CSMD1: variants seen among roughly 807,000 people sequenced by gnomAD.
The protein encoded by CSMD1 is CUB and sushi domain-containing protein 1.
Under a neutral mutation model 417.5 loss-of-function variants are expected in CSMD1, and 213 were observed. The ratio of observed to expected loss-of-function variants is 0.51; its 90% CI spans 0.46 to 0.57. The LOEUF is 0.57. Among genes scored for constraint, CSMD1 ranks in the 20% least tolerant of loss-of-function variants. CSMD1 has a pLI of 0.00. For synonymous variants in CSMD1, 2,862 were observed against 1,736.8 expected (o/e 1.65, Z -16.11); for missense variants, 6,923 against 4,529.7 (o/e 1.53, Z -15.17).
chr8:4,164,529 T>A (rs1230717551), intron 3 of CSMD1, among the ~76,000 whole-genome samples: 1 of 152,240 alleles, frequency 6.6e-6, no homozygotes, highest in East Asian at 1.9e-4. Context: ...GGCGTAAATC[T>A]AGATATAAGC....
At chr8:4,196,037 T>C (rs767082122) in intron 3 of CSMD1, among the ~76,000 whole-genome samples, 1 of 151,748 alleles carries the variant, frequency 6.6e-6, no homozygotes, top group African/African-American at 2.4e-5. Context: ...CAGTGAAACC[T>C]CGTCTCTACT....
At chr8:4,537,310 G>A (rs892751338) in intron 2 of CSMD1, among the ~76,000 whole-genome samples, 6 of 152,132 alleles carry the variant, frequency 3.9e-5, no homozygotes, top group Admixed American at 2.0e-4. Flanking sequence ...TATAAATGCT[G>A]TTAAAGATGC....
At chr8:3,955,244 C>G (rs563660859) in intron 5 of CSMD1, among the ~76,000 whole-genome samples, 2 of 152,116 alleles carry the variant, frequency 1.3e-5, no homozygotes, top group African/African-American at 2.4e-5. Context: ...CCCCACAGAT[C>G]CCACCGGCAA....
intron 3 of CSMD1, among the ~76,000 whole-genome samples, chr8:4,342,466 C>G (rs972977347): frequency 1.3e-5 from 2 of 152,018 alleles, no homozygotes; most frequent in African/African-American, 2.4e-5. Context: ...AGACAATAAA[C>G]TGGCAGAAAA....
At chr8:4,839,743 G>C (rs996957732) in intron 1 of CSMD1, among the ~76,000 whole-genome samples, 1 of 152,094 alleles carries the variant, frequency 6.6e-6, no homozygotes, top group African/African-American at 2.4e-5. Context: ...AAGTTTAATA[G>C]CCTCGAATTT....
chr8:3,823,323 G>A (rs1272142476), intron 5 of CSMD1, among the ~76,000 whole-genome samples: 2 of 152,160 alleles, frequency 1.3e-5, no homozygotes, highest in African/African-American at 4.8e-5. Flanking sequence ...CTGGGTGCAT[G>A]TGTAACAGGG....
At chr8:4,134,982 G>C (rs1563168534) in intron 3 of CSMD1, among the ~76,000 whole-genome samples, 1 of 152,138 alleles carries the variant, frequency 6.6e-6, no homozygotes, top group Non-Finnish European at 1.5e-5. Flanking sequence ...TCAGCTTAGT[G>C]TCTGGGTTCT....
At chr8:3,469,981 C>T (rs1484387385) in intron 11 of CSMD1, among the ~76,000 whole-genome samples, 1 of 151,996 alleles carries the variant, frequency 6.6e-6, no homozygotes, top group Non-Finnish European at 1.5e-5. Flanking sequence ...CTTTCTTATT[C>T]ATACATTTAT....
At chr8:4,577,354 C>A (rs1799186877) in intron 2 of CSMD1, among the ~76,000 whole-genome samples, 1 of 152,172 alleles carries the variant, frequency 6.6e-6, no homozygotes, top group Non-Finnish European at 1.5e-5. Context: ...GAGCTTATTT[C>A]AGAATTACCT....
intron 3 of CSMD1, among the ~76,000 whole-genome samples, chr8:4,248,866 C>G (rs1340698155): frequency 1.3e-5 from 2 of 151,600 alleles, no homozygotes; most frequent in Non-Finnish European, 2.9e-5. Flanking sequence ...TCTCAAAAGT[C>G]ACTCAACAGT....
At chr8:3,198,827 C>G (rs189238374) in intron 33 of CSMD1, among the ~76,000 whole-genome samples, 7 of 152,224 alleles carry the variant, frequency 4.6e-5, no homozygotes, top group Admixed American at 3.3e-4. Flanking sequence ...GAAACCATTG[C>G]TAAGAAAAAA....
At chr8:4,183,473 T>C (rs575237297) in intron 3 of CSMD1, among the ~76,000 whole-genome samples, 1 of 152,324 alleles carries the variant, frequency 6.6e-6, no homozygotes, top group Non-Finnish European at 1.5e-5. Flanking sequence ...TGTTCTTCAA[T>C]TGGAGGTGAA....
At chr8:4,065,569 T>C (rs1343181901) in intron 3 of CSMD1, among the ~76,000 whole-genome samples, 2 of 150,360 alleles carry the variant, frequency 1.3e-5, no homozygotes, top group Non-Finnish European at 3.0e-5. Context: ...CTTTTTTCAC[T>C]GCTAAAAGAT....
At position 4,181,533 on chromosome 8, in the gene CSMD1, G is replaced by T. The variant is rs115720721; in HGVS notation, c.416-149434C>A. Among the ~76,000 whole-genome samples, 239 of 152,184 alleles carry T rather than the reference G, an allele frequency of 1.6e-3. 2 individuals carry two copies. Among genetic ancestry groups the T allele is most frequent in the African/African-American group, 5.7e-3 (236 of 41,548 alleles). On this transcript the variant is annotated intron_variant, in intron 3 of 69. Transcript: ENST00000635120. ...ACCAGAAAACCTTACAATATTTTAAGAAAGTTTATGAATTTGTGTTTGGCC... is the reference window on the plus strand; with the variant it reads ...ACCAGAAAACCTTACAATATTTTAATAAAGTTTATGAATTTGTGTTTGGCC...
chr8:4,813,017 T>C (rs1798998130), intron 1 of CSMD1, among the ~76,000 whole-genome samples: 2 of 152,190 alleles, frequency 1.3e-5, no homozygotes, highest in African/African-American at 4.8e-5. Flanking sequence ...ACACCAACAC[T>C]GGAATCCACA....
At chr8:2,988,508 A>T (rs1806119859) in intron 54 of CSMD1, among the ~76,000 whole-genome samples, 1 of 152,176 alleles carries the variant, frequency 6.6e-6, no homozygotes, top group African/African-American at 2.4e-5. Flanking sequence ...ATAGTGACAC[A>T]TAGTTTAGAA....
chr8:4,111,913 C>A (rs543872755), intron 3 of CSMD1, among the ~76,000 whole-genome samples: 1 of 152,104 alleles, frequency 6.6e-6, no homozygotes, highest in East Asian at 1.9e-4. Context: ...CACATGTACC[C>A]CAGAACTTAA....
chr8:3,550,573 T>C (rs911725320), intron 10 of CSMD1, among the ~76,000 whole-genome samples: 6 of 152,246 alleles, frequency 3.9e-5, no homozygotes, highest in African/African-American at 4.8e-5. Flanking sequence ...ACTTATCTTA[T>C]GGGTGCATCA....
intron 21 of CSMD1, among the ~76,000 whole-genome samples, chr8:3,350,727 A>C (rs926002715): frequency 6.6e-6 from 1 of 152,208 alleles, no homozygotes; most frequent in African/African-American, 2.4e-5. Flanking sequence ...ATCATTTCTC[A>C]TAATACATAA....
Sources: allele counts gnomAD v4.1 joint callset (sites outside exome capture counted in the v4.1 genomes callset), GRCh38; gene constraint gnomAD v4.1.1; transcripts MANE v1.5; gene names NCBI Gene and HGNC (gene_info 2026-07-23, HGNC 2026-07-21).